Variants in RPL28 observed in about 807,000 individuals in gnomAD.
RPL28 encodes large ribosomal subunit protein eL28.
Under a neutral mutation model 12.5 loss-of-function variants are expected in RPL28, and 4 were observed. The observed-to-expected ratio is 0.32, with a 90% confidence interval of 0.16 to 0.73. The LOEUF (loss-of-function observed/expected upper bound fraction) is 0.73. Among genes scored for constraint, RPL28 ranks in the 30% least tolerant of loss-of-function variants. The pLI is 0.66. For missense variants in RPL28, 214 were observed against 197.7 expected, an observed-to-expected ratio of 1.08 and a Z score of -0.49; for synonymous variants, 91 against 72.5, an observed-to-expected ratio of 1.26 and a Z score of -1.30.
chr19:55,391,320 T>C lies in RPL28; in HGVS notation c.*2988T>C. The C allele has an allele frequency of 1.3e-6, 1 of 795,508 alleles. No homozygotes were observed. The allele number at this position is 795,508 out of a possible 1,614,324, so 49.3% of individuals were successfully genotyped here. A position where few individuals can be genotyped will look rare whatever the true frequency, so the allele number is the denominator to read the frequency against. The stretch of plus-strand genomic sequence containing the variant: ...TTGGGCAGCTCGTTTAGTAGCACCG[T>C]GCCTCAGTTTCCCATATGTAAAAGG... On this transcript the variant is annotated 3_prime_UTR_variant, in exon 5 of 5. Coordinates refer to ENST00000344063, the MANE Select transcript of RPL28 (RefSeq NM_000991.5).
chr19:55,401,112 A>G, intron 4 of RPL28: 1 of 389,066 alleles, frequency 2.6e-6, no homozygotes, highest in South Asian at 3.5e-5. Context: ...CTACCTCCAC[A>G]GAACAAAGAG....
intron 4 of RPL28, 22 bp downstream of exon 4, chr19:55,388,070 A>G (rs938408959): frequency 4.3e-6 from 7 of 1,613,138 alleles, no homozygotes; most frequent in Middle Eastern, 3.3e-4. Context: ...TTTGGGGATC[A>G]GGCTTGGGGA....
intron 4 of RPL28, chr19:55,400,080 C>G (rs1600315813): frequency 6.6e-6 from 1 of 152,194 alleles, no homozygotes; most frequent in African/African-American, 2.4e-5. Flanking sequence ...AGAGGCTGAG[C>G]CGTTTCAACC....
chr19:55,391,005 C>T lies in RPL28; in HGVS notation c.*2673C>T, dbSNP rs921266162. 7.2e-6 allele frequency: 7 copies of T among 971,194 alleles called. No homozygotes were observed. The highest frequency in any genetic ancestry group is 7.0e-5 in the African/African-American group (4 of 56,910). The allele number at this position is 971,194 out of a possible 1,614,324, so 60.2% of individuals were successfully genotyped here. On this transcript the variant is annotated 3_prime_UTR_variant, in exon 5 of 5. Coordinates refer to ENST00000344063, the MANE Select transcript of RPL28 (RefSeq NM_000991.5). ...ATGATATTAAGAAAACAGGCAGGCT[C>T]ACCATAGTAAAAATGCTGAAAGCCA...
chr19:55,389,674 A>T lies in RPL28; in HGVS notation c.*1342A>T. The T allele has an allele frequency of 1.0e-6, 1 of 985,530 alleles. No homozygotes were observed. The highest frequency in any genetic ancestry group is 1.2e-6 in the Non-Finnish European group (1 of 830,006). The allele number at this position is 985,530 out of a possible 1,614,324, so 61.0% of individuals were successfully genotyped here. A position where few individuals can be genotyped will look rare whatever the true frequency, so the allele number is the denominator to read the frequency against. On this transcript the variant is annotated 3_prime_UTR_variant, in exon 5 of 5. Transcript: ENST00000344063. ...TCTGCTCCAGTCTTGCCCAGCTCGAAGGAGAGCAGATCTGACCACTTGCCA... is the reference window on the plus strand; with the variant it reads ...TCTGCTCCAGTCTTGCCCAGCTCGATGGAGAGCAGATCTGACCACTTGCCA...
rs778710053 is a variant in RPL28 at position 55,390,178 on chromosome 19, A to G, written c.*1846A>G. On this transcript the variant is annotated 3_prime_UTR_variant, in exon 5 of 5. Transcript: ENST00000344063. Reference sequence around the variant, plus strand: ...GATGAATGGTGCATATTGAATGTATAAAGCCCACCGGTCCTGAGAGTTTGC... The same window carrying G: ...GATGAATGGTGCATATTGAATGTATGAAGCCCACCGGTCCTGAGAGTTTGC... 12 of 985,438 alleles carry G rather than the reference A, an allele frequency of 1.2e-5. No homozygotes were observed. The highest frequency in any genetic ancestry group is 1.4e-5 in the Non-Finnish European group (12 of 829,986). The allele number at this position is 985,438 out of a possible 1,614,324, so 61.0% of individuals were successfully genotyped here.
chr19:55,387,597 G>T, intron 3 of RPL28: 1 of 1,403,168 alleles, frequency 7.1e-7, no homozygotes. Context: ...CTGGGAAGCT[G>T]TTCATACCCA....
chr19:55,390,986 T>G lies in RPL28; in HGVS notation c.*2654T>G. ...AACCAGTTAAACCAAAAACATGATA[T>G]TAAGAAAACAGGCAGGCTCACCATA... On this transcript the variant is annotated 3_prime_UTR_variant, in exon 5 of 5. Transcript: ENST00000344063. The G allele has an allele frequency of 1.0e-6, 1 of 983,680 alleles. No homozygotes were observed. 60.9% of individuals were successfully genotyped at this position (983,680 alleles called of 1,614,324 possible).
At chr19:55,393,251 C>CTA (rs2090002858), downstream of RPL28, among the ~76,000 whole-genome samples, 1 of 123,962 alleles carries the variant, frequency 8.1e-6, no homozygotes, top group South Asian at 3.1e-4. Context: ...CGCACCCCCC[C>CTA]CCCCCCCCGA....
intron 4 of RPL28, among the ~76,000 whole-genome samples, chr19:55,397,524 C>G (rs1043296777): frequency 6.6e-6 from 1 of 152,008 alleles, no homozygotes; most frequent in Non-Finnish European, 1.5e-5. Context: ...GGACTACAGG[C>G]GCCCGCCACC....
chr19:55,397,276 C>A (rs1255557703), intron 4 of RPL28, among the ~76,000 whole-genome samples: 1 of 152,202 alleles, frequency 6.6e-6, no homozygotes, highest in Non-Finnish European at 1.5e-5. Flanking sequence ...GGCATTCAAG[C>A]TGTAGTATCT....
rs1197346345 is a variant in RPL28 at position 55,390,753 on chromosome 19, C to T, written c.*2421C>T. ...GCCACGTCTGGTATCTGAATGCTAT[C>T]GGTGGGTTGGGGTGGAGGAACCAGG... On this transcript the variant is annotated 3_prime_UTR_variant, in exon 5 of 5. Coordinates refer to ENST00000344063, the MANE Select transcript of RPL28 (RefSeq NM_000991.5). 22 of 985,256 alleles carry T rather than the reference C, an allele frequency of 2.2e-5. No homozygotes were observed. Among genetic ancestry groups the T allele is most frequent in the Admixed American group, 1.2e-4 (2 of 16,254 alleles). The allele number at this position is 985,256 out of a possible 1,614,324, so 61.0% of individuals were successfully genotyped here. A position where few individuals can be genotyped will look rare whatever the true frequency, so the allele number is the denominator to read the frequency against.
rs1294884849 is a variant in RPL28, at chr19:55,387,916, T to C, written c.206-14T>C. ...AGGTGGACTGACCCCAGGACCTCCC[T>C]GACCCCCAACCAGGCCAGCGGAAGC... On this transcript the variant is annotated splice_polypyrimidine_tract_variant and intron_variant, in intron 3 of 4. Coordinates refer to ENST00000344063, the MANE Select transcript of RPL28 (RefSeq NM_000991.5). 6.4e-7 allele frequency: 1 copy of C among 1,552,926 alleles called. No individual in the cohort carries two copies. The highest frequency in any genetic ancestry group is 8.7e-7 in the Non-Finnish European group (1 of 1,148,002).
In RPL28 at chr19:55,389,421, G is replaced by C. The variant is rs114986745; in HGVS notation, c.*1089G>C. On this transcript the variant is annotated 3_prime_UTR_variant, in exon 5 of 5. Transcript: ENST00000344063. ...ACATGTTTCCTGGGCACCTAACTCTGTCAGCCACTGCCAGGGACCAAGGAT... is the reference window on the plus strand; with the variant it reads ...ACATGTTTCCTGGGCACCTAACTCTCTCAGCCACTGCCAGGGACCAAGGAT... 1,416 of 985,346 alleles carry C rather than the reference G, an allele frequency of 1.4e-3. 20 individuals are homozygous for C. In the African/African-American group the frequency reaches 0.023, roughly 16 times the overall value. 61.0% of individuals were successfully genotyped at this position (985,346 alleles called of 1,614,324 possible).
chr19:55,387,281 TTA>T, intron 3 of RPL28: 1 of 1,551,644 alleles, frequency 6.4e-7, no homozygotes, highest in Non-Finnish European at 8.7e-7. Flanking sequence ...TATTTTCTTT[TTA>T]GAGTGAGTTT....
exon 5 of RPL28, chr19:55,403,201 A>ACTGGTTTATGAACCC (rs1298342673): frequency 3.1e-5 from 20 of 648,912 alleles, no homozygotes; most frequent in Non-Finnish European, 5.0e-5. Flanking sequence ...GCTGAGAAAC[A>ACTGGTTTATGAACCC]CTGGTTTATG....
chr19:55,403,214 C>T (rs1374916418), exon 5 of RPL28: 1 of 627,138 alleles, frequency 1.6e-6, no homozygotes, highest in African/African-American at 1.8e-5. Flanking sequence ...GGTTTATGAA[C>T]CCTATCGCTA....
chr19:55,393,255 C>G (rs868295843), downstream of RPL28, among the ~76,000 whole-genome samples: 63 of 130,752 alleles, frequency 4.8e-4, 2 homozygotes, highest in East Asian at 5.0e-4. Flanking sequence ...CCCCCCCCCC[C>G]CCCCGACCCC....
intron 4 of RPL28, among the ~76,000 whole-genome samples, chr19:55,397,694 A>G (rs2090033007): frequency 6.7e-6 from 1 of 148,506 alleles, no homozygotes; most frequent in South Asian, 2.2e-4. Flanking sequence ...AATGTTTTAA[A>G]CCTGTTGTGT....
Sources: allele counts gnomAD v4.1 joint callset (sites outside exome capture counted in the v4.1 genomes callset), GRCh38; gene constraint gnomAD v4.1.1; transcripts MANE v1.5; gene names NCBI Gene and HGNC (gene_info 2026-07-23, HGNC 2026-07-21).